ZC3H13: variants seen among roughly 807,000 people sequenced by gnomAD.
The protein encoded by ZC3H13 is zinc finger CCCH-type containing 13.
In ZC3H13, 64 loss-of-function variants were observed where a neutral mutation model predicts 204.1. That is an observed-to-expected ratio of 0.31 (90% CI 0.26 to 0.39). The LOEUF (loss-of-function observed/expected upper bound fraction) is 0.39, where lower values mean the gene tolerates loss of function less well. Among genes scored for constraint, ZC3H13 ranks in the 10% least tolerant of loss-of-function variants. ZC3H13 has a pLI of 1.00. For missense variants in ZC3H13, 1,833 were observed against 2,082.7 expected, an observed-to-expected ratio of 0.88 and a Z score of 2.33; for synonymous variants, 667 against 693.7, an observed-to-expected ratio of 0.96 and a Z score of 0.60.
chr13:45,993,066 A>G (rs539837958), intron 8 of ZC3H13, among the ~76,000 whole-genome samples: 13 of 152,082 alleles, frequency 8.5e-5, no homozygotes, highest in Non-Finnish European at 1.6e-4. Flanking sequence ...TGACTAATAC[A>G]TCGAGGGAGG....
chr13:46,045,814 T>C lies in ZC3H13; in HGVS notation c.-9-298A>G, dbSNP rs193010334. Among the ~76,000 whole-genome samples, 7 of 152,270 alleles carry C rather than the reference T, an allele frequency of 4.6e-5. No homozygotes were observed. The East Asian group carries it at 1.3e-3, about 29-fold the overall frequency. On this transcript the variant is annotated intron_variant, in intron 1 of 18. Coordinates refer to ENST00000679008, the MANE Select transcript of ZC3H13 (RefSeq NM_001330564.2). ...ACACAGTGAAGTTTTCATAGTACAATCAACCTCAGAAGATACAGTACAAAA... is the reference window on the plus strand; with the variant it reads ...ACACAGTGAAGTTTTCATAGTACAACCAACCTCAGAAGATACAGTACAAAA...
chr13:46,048,302 GCGCGGTGGCTCA>G (rs1467986552), intron 1 of ZC3H13, among the ~76,000 whole-genome samples: 9 of 152,152 alleles, frequency 5.9e-5, no homozygotes, highest in Non-Finnish European at 1.0e-4. Context: ...ATTTCGCCGG[GCGCGGTGGCTCA>G]CGCCTGTAAT....
rs1427317639 is a variant in ZC3H13, at chr13:46,010,474, G to C, written c.620C>G (p.Ser207Cys). The C allele has an allele frequency of 6.2e-7, 1 of 1,613,518 alleles. No homozygotes were observed. Among genetic ancestry groups the C allele is most frequent in the South Asian group, 1.1e-5 (1 of 91,052 alleles). Reference sequence around the variant, plus strand: ...AGACTTTCTTAGAGAAGGTGACGGGGACAATTTTGATCTAACCACTTCTGG... The same window carrying C: ...AGACTTTCTTAGAGAAGGTGACGGGCACAATTTTGATCTAACCACTTCTGG... The part of the protein sequence containing the change: ...VSPEVVRSKL[S>C]PSPSLRKSSK... The change falls in exon 7 of 19, where the codon TCC becomes TGC. Residue 207 changes from serine (S) to cysteine (C), a missense_variant. By Grantham distance (112) the Ser-to-Cys change is moderately radical (BLOSUM62 -1). Around this residue, in one of 5 missense-constraint regions of ZC3H13, gnomAD observed 1,574 missense variants for 1,757.2 expected, o/e 0.90. Transcript: ENST00000679008.
At chr13:45,995,155 C>T (rs1326282339) in intron 8 of ZC3H13, among the ~76,000 whole-genome samples, 1 of 152,054 alleles carries the variant, frequency 6.6e-6, no homozygotes, top group Admixed American at 6.6e-5. Flanking sequence ...CTATATTATG[C>T]ATTTCTGACT....
chr13:45,979,771 A>G, intron 11 of ZC3H13, 42 bp downstream of exon 11: 2 of 1,507,854 alleles, frequency 1.3e-6, no homozygotes. Context: ...AATTCGCCCA[A>G]TTGATATTGT....
At position 45,985,708 on chromosome 13, in the gene ZC3H13, C is replaced by G; in HGVS notation, c.1309G>C (p.Glu437Gln). The G allele has an allele frequency of 6.2e-7, 1 of 1,613,708 alleles. No individual in the cohort carries two copies. Among genetic ancestry groups the G allele is most frequent in the Non-Finnish European group, 8.5e-7 (1 of 1,179,914 alleles). The change falls in exon 10 of 19, where the codon GAA becomes CAA. Residue 437 changes from glutamate to glutamine, a missense_variant. Around this residue, in one of 5 missense-constraint regions of ZC3H13, gnomAD observed 1,574 missense variants for 1,757.2 expected, o/e 0.90. Transcript: ENST00000679008. ...EKDSREEREY[E>Q]QDQSSSRDHR... Reference sequence around the variant, plus strand: ...TCTCTAGAAGAGCTCTGATCCTGTTCATATTCTCGTTCTTCTCTTGAGTCC... The same window carrying G: ...TCTCTAGAAGAGCTCTGATCCTGTTGATATTCTCGTTCTTCTCTTGAGTCC...
In ZC3H13 at chr13:45,985,621, C is replaced by T. The variant is rs1457687509; in HGVS notation, c.1396G>A (p.Asp466Asn). The T allele has an allele frequency of 6.2e-7, 1 of 1,613,820 alleles. No individual in the cohort carries two copies. The highest frequency in any genetic ancestry group is 8.5e-7 in the Non-Finnish European group (1 of 1,180,026). The stretch of plus-strand genomic sequence containing the variant: ...CTGGAGTCTCTTAGTTCCCTTCGGT[C>T]CCTAGTATCTCTGGCATCTCTCCGA... ...RDRRDARDTR[D>N]RRELRDSRDM... The change falls in exon 10 of 19, where the codon GAC becomes AAC. Residue 466 changes from aspartate (D) to asparagine (N), a missense_variant. By Grantham distance (23) the Asp-to-Asn change is conservative (BLOSUM62 1). Around this residue, in one of 5 missense-constraint regions of ZC3H13, gnomAD observed 1,574 missense variants for 1,757.2 expected, o/e 0.90. Transcript: ENST00000679008.
intron 8 of ZC3H13, among the ~76,000 whole-genome samples, chr13:45,992,823 T>A (rs2040058965): frequency 6.6e-6 from 1 of 152,194 alleles, no homozygotes; most frequent in Admixed American, 6.5e-5. Context: ...TTACATTCTC[T>A]GCCTGACTGC....
intron 6 of ZC3H13, among the ~76,000 whole-genome samples, chr13:46,010,883 T>A (rs1337108152): frequency 2.0e-5 from 3 of 151,882 alleles, no homozygotes; most frequent in Non-Finnish European, 4.4e-5. Flanking sequence ...ATCTCATCCC[T>A]ACAAAAAAAG....
intron 17 of ZC3H13, among the ~76,000 whole-genome samples, chr13:45,960,734 G>C (rs1166752661): frequency 6.6e-6 from 1 of 152,154 alleles, no homozygotes; most frequent in Non-Finnish European, 1.5e-5. Context: ...AAAGACAGCA[G>C]GTACTGCCTC....
At chr13:46,021,975 G>A (rs1190262283) in intron 4 of ZC3H13, among the ~76,000 whole-genome samples, 3 of 151,772 alleles carry the variant, frequency 2.0e-5, no homozygotes, top group African/African-American at 7.3e-5. Context: ...TGTGCTTTCT[G>A]TCCACTTAAA....
chr13:46,012,277 A>G (rs1019151074), intron 5 of ZC3H13, among the ~76,000 whole-genome samples: 1 of 114,878 alleles, frequency 8.7e-6, no homozygotes, highest in Non-Finnish European at 1.9e-5. Flanking sequence ...ATTAAAATAC[A>G]TAGAAGTTGC....
In ZC3H13 at chr13:45,969,222, C is replaced by T. The variant is rs1566162800; in HGVS notation, c.3322G>A (p.Ala1108Thr). Reference sequence around the variant, plus strand: ...GGCACAGTTGTAGCAGTGGCAGTAGCCACAGGCGGTGGAGGAGGAAGAAGA... The same window carrying T: ...GGCACAGTTGTAGCAGTGGCAGTAGTCACAGGCGGTGGAGGAGGAAGAAGA... ...SSLLPPPPPV[A>T]TATATTVPAT... The change falls in exon 14 of 19, where the codon GCT becomes ACT. Residue 1108 changes from alanine (A) to threonine (T), a missense_variant. Ala to Thr is a moderately conservative substitution (Grantham distance 58). Around this residue, in one of 5 missense-constraint regions of ZC3H13, gnomAD observed 1,574 missense variants for 1,757.2 expected, o/e 0.90. Transcript: ENST00000679008. The T allele has an allele frequency of 6.2e-6, 10 of 1,613,928 alleles. No homozygotes were observed. Among genetic ancestry groups the T allele is most frequent in the Non-Finnish European group, 8.5e-6 (10 of 1,179,952 alleles).
At chr13:46,037,624 A>G (rs1441890161) in intron 4 of ZC3H13, among the ~76,000 whole-genome samples, 1 of 151,160 alleles carries the variant, frequency 6.6e-6, no homozygotes, top group African/African-American at 2.4e-5. Flanking sequence ...ACTATTTCCT[A>G]CTGACTACCT....
rs1453577911 is a variant in ZC3H13 at position 45,955,149 on chromosome 13, T to A, written c.*1978A>T. On this transcript the variant is annotated 3_prime_UTR_variant, in exon 19 of 19. Transcript: ENST00000679008. ...CCTTTTAATTGTACTAGCAAACAAT[T>A]TATAGACTGGAAGATTGTTTTTCGG... The A allele has an allele frequency of 6.6e-6, 1 of 152,182 alleles. No homozygotes were observed. Among genetic ancestry groups the A allele is most frequent in the South Asian group, 2.1e-4 (1 of 4,830 alleles). The allele number at this position is 152,182 out of a possible 1,614,324, so 9.4% of individuals were successfully genotyped here. A position where few individuals can be genotyped will look rare whatever the true frequency, so the allele number is the denominator to read the frequency against.
chr13:45,985,039 T>A (rs1283649558), intron 10 of ZC3H13, among the ~76,000 whole-genome samples: 2 of 152,212 alleles, frequency 1.3e-5, no homozygotes, highest in Non-Finnish European at 2.9e-5. Context: ...GATAGTGATT[T>A]TCTTAGTGTT....
chr13:46,047,458 C>T (rs902059592), intron 1 of ZC3H13, among the ~76,000 whole-genome samples: 1 of 152,140 alleles, frequency 6.6e-6, no homozygotes, highest in African/African-American at 2.4e-5. Context: ...AAGTAAGGAA[C>T]TACACACCAA....
intron 8 of ZC3H13, 149 bp from the exon 9 acceptor site, chr13:45,989,246 T>A: frequency 1.2e-6 from 1 of 846,930 alleles, no homozygotes; most frequent in Non-Finnish European, 1.8e-6. Context: ...AAATTCTAAG[T>A]AAGTCACTTT....
chr13:46,017,917 G>T (rs2042008160), intron 5 of ZC3H13, among the ~76,000 whole-genome samples: 1 of 152,034 alleles, frequency 6.6e-6, no homozygotes, highest in African/African-American at 2.4e-5. Flanking sequence ...AAAAGCATAA[G>T]AAATTCTTAT....
Sources: allele counts gnomAD v4.1 joint callset (sites outside exome capture counted in the v4.1 genomes callset), GRCh38; gene constraint gnomAD v4.1.1; regional missense constraint gnomAD v4.1.1; transcripts MANE v1.5; gene names NCBI Gene and HGNC (gene_info 2026-07-23, HGNC 2026-07-21).